Variants in DCDC2C observed in about 807,000 individuals in gnomAD.
DCDC2C encodes doublecortin domain-containing protein 2C.
DCDC2C carries 44 observed loss-of-function variants against 45.0 expected under a neutral mutation model. The observed-to-expected ratio is 0.98, with a 90% CI of 0.77 to 1.26. The LOEUF is 1.26. DCDC2C is among the 50% of genes most tolerant of loss of function. The pLI is 0.00. For missense variants in DCDC2C, 447 were observed against 468.9 expected, an observed-to-expected ratio of 0.95 and a Z score of 0.43; for synonymous variants, 187 against 178.8, an observed-to-expected ratio of 1.05 and a Z score of -0.37.
chr2:3,814,593 G>C (rs1326510147), intron 10 of DCDC2C, among the ~76,000 whole-genome samples: 5 of 152,240 alleles, frequency 3.3e-5, no homozygotes, highest in Admixed American at 3.3e-4. Flanking sequence ...TTGGAGGAAA[G>C]AGGCACTCTG....
At chr2:3,777,087 C>G (rs1670362978) in intron 8 of DCDC2C, among the ~76,000 whole-genome samples, 1 of 152,194 alleles carries the variant, frequency 6.6e-6, no homozygotes, top group African/African-American at 2.4e-5. Flanking sequence ...TTTTCATGCA[C>G]TGACCCCCAG....
At chr2:3,729,201 T>C (rs1292394736) in intron 3 of DCDC2C, among the ~76,000 whole-genome samples, 1 of 152,128 alleles carries the variant, frequency 6.6e-6, no homozygotes, top group Non-Finnish European at 1.5e-5. Flanking sequence ...GTGGTTTTAC[T>C]TGGGGACTCC....
chr2:3,740,635 T>A (rs1433851407), intron 3 of DCDC2C, among the ~76,000 whole-genome samples: 1 of 152,108 alleles, frequency 6.6e-6, no homozygotes, highest in East Asian at 1.9e-4. Context: ...TTATTGTAAT[T>A]GTAATAGCAC....
intron 3 of DCDC2C, among the ~76,000 whole-genome samples, chr2:3,739,887 A>G (rs548393468): frequency 6.6e-6 from 1 of 152,324 alleles, no homozygotes; most frequent in East Asian, 1.9e-4. Context: ...GGAGCTGGAA[A>G]CATTTACCCC....
chr2:3,754,212 G>T (rs116051210), intron 5 of DCDC2C, among the ~76,000 whole-genome samples: 1 of 152,186 alleles, frequency 6.6e-6, no homozygotes, highest in Non-Finnish European at 1.5e-5. Context: ...ATAGACCAAG[G>T]AGGTGCTCTG....
intron 4 of DCDC2C, among the ~76,000 whole-genome samples, chr2:3,751,493 G>A (rs1056948581): frequency 2.0e-5 from 3 of 152,178 alleles, no homozygotes; most frequent in African/African-American, 4.8e-5. Flanking sequence ...AGCAGCTCTC[G>A]GGATGGGACC....
At chr2:3,779,446 C>T (rs1370308455) in intron 9 of DCDC2C, among the ~76,000 whole-genome samples, 1 of 151,688 alleles carries the variant, frequency 6.6e-6, no homozygotes, top group Admixed American at 6.6e-5. Context: ...GAGCGTGTGT[C>T]TGTGGTCCTC....
At chr2:3,797,756 CTTTTACA>C (rs1387316745) in intron 10 of DCDC2C, among the ~76,000 whole-genome samples, 2 of 151,890 alleles carry the variant, frequency 1.3e-5, no homozygotes, top group African/African-American at 4.8e-5. Flanking sequence ...AATTTCTGTT[CTTTTACA>C]TTTGCTGAGG....
intron 3 of DCDC2C, among the ~76,000 whole-genome samples, chr2:3,727,704 G>A (rs1161378125): frequency 6.6e-6 from 1 of 152,192 alleles, no homozygotes; most frequent in African/African-American, 2.4e-5. Flanking sequence ...TTTGGGGTTG[G>A]GAAAAGACAC....
chr2:3,789,019 T>C (rs1670735446), intron 10 of DCDC2C, among the ~76,000 whole-genome samples: 1 of 152,114 alleles, frequency 6.6e-6, no homozygotes. Flanking sequence ...GCTAATTTTT[T>C]TTTTTGTATT....
intron 10 of DCDC2C, among the ~76,000 whole-genome samples, chr2:3,841,802 T>A (rs1186965710): frequency 1.3e-5 from 2 of 152,218 alleles, no homozygotes; most frequent in African/African-American, 4.8e-5. Flanking sequence ...GCCTTTTGCT[T>A]GGCACATAGT....
chr2:3,820,916 A>C (rs1326356796), intron 10 of DCDC2C, among the ~76,000 whole-genome samples: 1 of 152,138 alleles, frequency 6.6e-6, no homozygotes, highest in African/African-American at 2.4e-5. Context: ...CAGTCTCCAG[A>C]AGGAGTCCTC....
At position 3,814,506 on chromosome 2, in the gene DCDC2C, A is replaced by T. The variant is rs866540878; in HGVS notation, c.1065+29406A>T. On this transcript the variant is annotated intron_variant, in intron 10 of 10. Coordinates refer to ENST00000399143, the MANE Select transcript of DCDC2C (RefSeq NM_001287444.2). ...TTTTATTACCCATCTTCTAAAGCCTACTTCTGTCAATTCGTCCATCTGATC... is the reference window on the plus strand; with the variant it reads ...TTTTATTACCCATCTTCTAAAGCCTTCTTCTGTCAATTCGTCCATCTGATC... 1.6e-4 allele frequency among the ~76,000 whole-genome samples: 24 copies of T among 152,194 alleles called. No homozygotes were observed. The South Asian group carries it at 5.0e-3, about 32-fold the overall frequency.
At chr2:3,811,079 A>T (rs541175364) in intron 10 of DCDC2C, among the ~76,000 whole-genome samples, 5 of 152,208 alleles carry the variant, frequency 3.3e-5, no homozygotes, top group Admixed American at 3.3e-4. Context: ...CTTCAATTTC[A>T]TATGAAACTT....
In DCDC2C at chr2:3,703,601, C is replaced by G; in HGVS notation, c.-151C>G. On this transcript the variant is annotated 5_prime_UTR_variant, in exon 1 of 11. Coordinates refer to ENST00000399143, the MANE Select transcript of DCDC2C (RefSeq NM_001287444.2). This position sits in a 1 kb window ranked among gnomAD's most constrained non-coding sequence, Gnocchi z 4.4. ...GCCCCGTCCCGTCCCCGTCCAGCCC[C>G]CGTCCCGTCCCCGTCCCGTCCCCGT... 1.3e-6 allele frequency: 1 copy of G among 743,454 alleles called. No homozygotes were observed. The highest frequency in any genetic ancestry group is 1.8e-6 in the Non-Finnish European group (1 of 555,760). 46.1% of individuals were successfully genotyped at this position (743,454 alleles called of 1,614,324 possible). A position where few individuals can be genotyped will look rare whatever the true frequency, so the allele number is the denominator to read the frequency against.
chr2:3,774,285 A>G (rs1670268052), intron 8 of DCDC2C, among the ~76,000 whole-genome samples: 1 of 152,242 alleles, frequency 6.6e-6, no homozygotes, highest in Admixed American at 6.5e-5. Context: ...ATCTGTAAGG[A>G]TGTTTTGGCT....
intron 2 of DCDC2C, among the ~76,000 whole-genome samples, chr2:3,712,026 G>T (rs906477094): frequency 1.3e-5 from 2 of 152,082 alleles, no homozygotes; most frequent in African/African-American, 4.8e-5. Flanking sequence ...CATTATTATT[G>T]TTTGTTGTGT....
At chr2:3,764,358 C>A (rs1669961623) in intron 6 of DCDC2C, among the ~76,000 whole-genome samples, 1 of 152,186 alleles carries the variant, frequency 6.6e-6, no homozygotes, top group Admixed American at 6.5e-5. Flanking sequence ...AGTTTTCCAA[C>A]TCATATTGTA....
In DCDC2C at chr2:3,769,297, T is replaced by A. The variant is rs188106452; in HGVS notation, c.854-14T>A. Reference sequence around the variant, plus strand: ...CATGGGTTTCAAAAGTTTGTCTGTGTGATTTTCTCCCAGAAGGTGACGTGT... The same window carrying A: ...CATGGGTTTCAAAAGTTTGTCTGTGAGATTTTCTCCCAGAAGGTGACGTGT... On this transcript the variant is annotated splice_polypyrimidine_tract_variant and intron_variant, in intron 7 of 10. Transcript: ENST00000399143. 2 of 1,547,662 alleles carry A rather than the reference T, an allele frequency of 1.3e-6. No individual in the cohort carries two copies. The highest frequency in any genetic ancestry group is 2.7e-5 in the African/African-American group (2 of 73,094).
Sources: gnomAD v4.1 joint callset for allele counts (sites outside exome capture counted in the v4.1 genomes callset) on GRCh38, gnomAD v4.1.1 for gene constraint, Gnocchi (gnomAD v3.1) non-coding constraint, MANE v1.5 for transcripts, NCBI Gene and HGNC (gene_info 2026-07-23, HGNC 2026-07-21) for gene names.